The following INO80C variants were observed in gnomAD, a reference collection of about 807,000 sequenced individuals.
INO80C encodes INO80 complex subunit C.
In INO80C, 17 loss-of-function variants were observed where a neutral mutation model predicts 17.7. That is an observed-to-expected ratio of 0.96 (90% confidence interval 0.66 to 1.44). The LOEUF is 1.44. INO80C is among the 40% of genes most tolerant of loss of function. The pLI is 0.00. For missense variants in INO80C, 244 were observed against 245.0 expected (o/e 1.00, Z 0.03); for synonymous variants, 96 against 95.8 (o/e 1.00, Z -0.01).
chr18:35,480,460 T>A lies in INO80C; in HGVS notation c.260A>T (p.Asn87Ile). 6.2e-7 allele frequency: 1 copy of A among 1,608,712 alleles called. No homozygotes were observed. The highest frequency in any genetic ancestry group is 1.1e-5 in the South Asian group (1 of 90,988). Reference sequence around the variant, plus strand: ...AATACCTTCGATGCTTACCACAAAGTTGGGATCCTTAAATGGCAAAGGTTT... The same window carrying A: ...AATACCTTCGATGCTTACCACAAAGATGGGATCCTTAAATGGCAAAGGTTT... ...AAKPLPFKDP[N>I]FVHSGHGGAV... The change falls in exon 2 of 5, where the codon AAC becomes ATC. Residue 87 changes from asparagine (N) to isoleucine (I), a missense_variant. Transcript: ENST00000334598.
intron 4 of INO80C, among the ~76,000 whole-genome samples, chr18:35,472,000 C>T (rs1318759502): frequency 1.3e-5 from 2 of 152,088 alleles, no homozygotes; most frequent in Non-Finnish European, 2.9e-5. Flanking sequence ...TCCAGTCTAT[C>T]GTTGTTGGAC....
At chr18:35,490,152 G>A (rs985693676) in intron 1 of INO80C, among the ~76,000 whole-genome samples, 5 of 152,110 alleles carry the variant, frequency 3.3e-5, no homozygotes, top group African/African-American at 1.2e-4. Context: ...AGGAGGTGGT[G>A]GTACAAAGGC....
intron 1 of INO80C, among the ~76,000 whole-genome samples, chr18:35,495,600 T>C (rs1468687470): frequency 6.6e-6 from 1 of 152,190 alleles, no homozygotes; most frequent in African/African-American, 2.4e-5. Flanking sequence ...TGAAGGCATT[T>C]GACCACTTTC....
At chr18:35,493,070 C>T (rs766356905) in intron 1 of INO80C, among the ~76,000 whole-genome samples, 4 of 152,206 alleles carry the variant, frequency 2.6e-5, no homozygotes, top group East Asian at 1.9e-4. Context: ...GTTCGAATCC[C>T]GACACTAACA....
In INO80C at chr18:35,497,761, G is replaced by C; in HGVS notation, c.114C>G (p.Gly38=). The part of the protein sequence containing the change: ...SHNGSSGGGY[G]ASKKKKASAS... The stretch of plus-strand genomic sequence containing the variant: ...CGGACGCTTTTTTCTTCTTACTGGC[G>C]CCATAGCCCCCGCCGCTGCTGCCAT... Residue 38 remains glycine (G), a synonymous_variant, in exon 1 of 5, where the codon GGC becomes GGG. Transcript: ENST00000334598. 3 of 1,612,570 alleles carry C rather than the reference G, an allele frequency of 1.9e-6. No homozygotes were observed. Among genetic ancestry groups the C allele is most frequent in the South Asian group, 2.2e-5 (2 of 90,998 alleles).
intron 1 of INO80C, 28 bp downstream of exon 1, chr18:35,497,691 C>T: frequency 2.5e-6 from 4 of 1,600,870 alleles, no homozygotes; most frequent in Middle Eastern, 2.1e-4. Context: ...GCGACGCGCA[C>T]GCGCAGCCTG....
At chr18:35,481,115 G>C (rs1025123949) in intron 1 of INO80C, among the ~76,000 whole-genome samples, 1 of 152,220 alleles carries the variant, frequency 6.6e-6, no homozygotes, top group African/African-American at 2.4e-5. Flanking sequence ...CCAGACTGGA[G>C]CTGGTATGCT....
At chr18:35,478,088 G>A (rs926971738) in intron 4 of INO80C, among the ~76,000 whole-genome samples, 194 bp downstream of exon 4, 1 of 152,112 alleles carries the variant, frequency 6.6e-6, no homozygotes, top group Non-Finnish European at 1.5e-5. Flanking sequence ...CCTGCTTTCT[G>A]GTTCAATCCT....
chr18:35,491,369 G>A (rs1598750295), intron 1 of INO80C, among the ~76,000 whole-genome samples: 1 of 152,152 alleles, frequency 6.6e-6, no homozygotes, highest in African/African-American at 2.4e-5. Context: ...AATGACACAC[G>A]GAAGCACTGG....
intron 1 of INO80C, among the ~76,000 whole-genome samples, chr18:35,485,230 C>A (rs531658400): frequency 1.6e-4 from 25 of 152,116 alleles, no homozygotes; most frequent in African/African-American, 5.5e-4. Context: ...CATAACAGCA[C>A]CCAAAAAATG....
chr18:35,497,571 G>A (rs1315262505), intron 1 of INO80C, 148 bp downstream of exon 1: 2 of 1,422,306 alleles, frequency 1.4e-6, no homozygotes, highest in African/African-American at 1.5e-5. Context: ...GGAAAGAGTA[G>A]TCATTCACTC....
chr18:35,480,565 T>A lies in INO80C; in HGVS notation c.157-2A>T. ...ACTCATGGCTTCCATGCTGATACCCTTAAAACATAATAAAAATAGTTTGAA... is the reference window on the plus strand; with the variant it reads ...ACTCATGGCTTCCATGCTGATACCCATAAAACATAATAAAAATAGTTTGAA... On this transcript the variant is annotated splice_acceptor_variant, in intron 1 of 4. Transcript: ENST00000334598. LOFTEE classifies it high-confidence loss of function. 1.3e-6 allele frequency: 2 copies of A among 1,598,108 alleles called. No homozygotes were observed. The highest frequency in any genetic ancestry group is 1.7e-6 in the Non-Finnish European group (2 of 1,165,310).
intron 4 of INO80C, among the ~76,000 whole-genome samples, 200 bp from the exon 5 acceptor site, chr18:35,468,942 T>A (rs1275653745): frequency 6.6e-6 from 1 of 152,074 alleles, no homozygotes; most frequent in African/African-American, 2.4e-5. Flanking sequence ...CTTCAGGGTA[T>A]GGACGAGAGG....
rs1162700085 is a variant in INO80C at position 35,480,641 on chromosome 18, T to G, written c.157-78A>C. ...CCCCACCTCTGCTCTCAACAGGGCA[T>G]ACGATGATGCCACAGGGCATGCAAG... is the stretch of plus-strand genomic sequence containing the variant. On this transcript the variant is annotated intron_variant, in intron 1 of 4. Coordinates refer to ENST00000334598, the MANE Select transcript of INO80C (RefSeq NM_194281.4). 4 of 1,075,290 alleles carry G rather than the reference T, an allele frequency of 3.7e-6. No homozygotes were observed. The African/African-American group carries it at 4.7e-5, about 13-fold the overall frequency. The allele number at this position is 1,075,290 out of a possible 1,614,324, so 66.6% of individuals were successfully genotyped here. A position where few individuals can be genotyped will look rare whatever the true frequency, so the allele number is the denominator to read the frequency against.
At chr18:35,493,068 C>G (rs557053365) in intron 1 of INO80C, among the ~76,000 whole-genome samples, 3 of 152,120 alleles carry the variant, frequency 2.0e-5, no homozygotes, top group East Asian at 1.9e-4. Flanking sequence ...GGGTTCGAAT[C>G]CCGACACTAA....
rs1393201455 is a variant in INO80C at position 35,474,207 on chromosome 18, C to CTCTATATA, written c.447+4074_447+4075insTATATAGA. ...TATATGTGTATATGTGTGTGTGTGT[C>CTCTATATA]TATATATATATATATATATATATAT... On this transcript the variant is annotated intron_variant, in intron 4 of 4. Coordinates refer to ENST00000334598, the MANE Select transcript of INO80C (RefSeq NM_194281.4). Among the ~76,000 whole-genome samples, 3 of 58,020 alleles carry CTCTATATA rather than the reference C, an allele frequency of 5.2e-5. No individual in the cohort carries two copies. In the Admixed American group the frequency reaches 7.1e-4, roughly 14 times the overall value. 38.1% of individuals were successfully genotyped at this position (58,020 alleles called of 152,430 possible). A position where few individuals can be genotyped will look rare whatever the true frequency, so the allele number is the denominator to read the frequency against.
chr18:35,497,679 T>G, intron 1 of INO80C, 40 bp downstream of exon 1: 2 of 1,591,370 alleles, frequency 1.3e-6, no homozygotes, highest in Non-Finnish European at 1.7e-6. Context: ...AAGTCCCGTT[T>G]CGCGACGCGC....
chr18:35,484,869 C>A (rs1210853574), intron 1 of INO80C, among the ~76,000 whole-genome samples: 1 of 152,196 alleles, frequency 6.6e-6, no homozygotes, highest in Non-Finnish European at 1.5e-5. Context: ...ACTAGAACAT[C>A]TTGTGGTGTC....
chr18:35,493,454 T>C (rs1435266172), intron 1 of INO80C, among the ~76,000 whole-genome samples: 1 of 152,216 alleles, frequency 6.6e-6, no homozygotes, highest in African/African-American at 2.4e-5. Flanking sequence ...AGCATGAACA[T>C]TAGTAGTAAT....
Sources: allele counts gnomAD v4.1 joint callset (sites outside exome capture counted in the v4.1 genomes callset), GRCh38; gene constraint gnomAD v4.1.1; transcripts MANE v1.5; gene names NCBI Gene and HGNC (gene_info 2026-07-23, HGNC 2026-07-21).